The following TF variants were observed in gnomAD, a reference collection of about 807,000 sequenced individuals.
TF encodes serotransferrin.
TF carries 55 observed loss-of-function variants against 82.4 expected under a neutral mutation model. The observed-to-expected ratio is 0.67, with a 90% CI of 0.54 to 0.84. TF has a LOEUF of 0.84. TF is among the 40% of genes least tolerant of loss of function. The pLI, the probability that TF is intolerant of heterozygous loss-of-function variation, is 0.00. For missense variants in TF, 737 were observed against 868.4 expected, an observed-to-expected ratio of 0.85 and a Z score of 1.90; for synonymous variants, 332 against 332.6, an observed-to-expected ratio of 1.00 and a Z score of 0.02.
intron 8 of TF, 50 bp downstream of exon 8, chr3:133,757,996 T>A: frequency 6.3e-7 from 1 of 1,592,084 alleles, no homozygotes; most frequent in Non-Finnish European, 8.6e-7. Flanking sequence ...GGAAACCTGG[T>A]GAGCACAGGG....
chr3:133,759,194 T>A lies in TF; in HGVS notation c.1068T>A (p.Asp356Glu), dbSNP rs1301549727. ...CCATAGGCCCAGAAGCCCCAACAGA[T>A]GAATGCAAGCCTGTGAAGTGGTGTG... is the stretch of plus-strand genomic sequence containing the variant. ...REGTCPEAPT[D>E]ECKPVKWCAL... The change falls in exon 9 of 17, where the codon GAT becomes GAA. Residue 356 changes from aspartate (D) to glutamate (E), a missense_variant. Coordinates refer to ENST00000402696, the MANE Select transcript of TF (RefSeq NM_001063.4). The A allele has an allele frequency of 4.3e-5, 70 of 1,613,820 alleles. No homozygotes were observed. Among genetic ancestry groups the A allele is most frequent in the Non-Finnish European group, 5.9e-5 (70 of 1,179,964 alleles).
the TF span, among the ~76,000 whole-genome samples, chr3:133,729,002 C>T: frequency 5.9e-5 from 9 of 152,152 alleles, no homozygotes; most frequent in South Asian, 4.1e-4. Context: ...GCTGTCTGAT[C>T]GTTCCTCTGG....
rs201739807 is a variant in TF, at chr3:133,768,125, A to G, written c.1583A>G (p.Asn528Ser). 1.0e-4 allele frequency: 161 copies of G among 1,614,074 alleles called. No homozygotes were observed. Among genetic ancestry groups the G allele is most frequent in the Non-Finnish European group, 1.3e-4 (154 of 1,180,028 alleles). ...TCAGGCCTAAACCTGTGTGAACCCA[A>G]CAACAAAGAGGGATACTACGGCTAC... ...MGSGLNLCEP[N>S]NKEGYYGYTG... The change falls in exon 13 of 17, where the codon AAC (asparagine) becomes AGC (serine). Residue 528 changes from asparagine to serine, a missense_variant. Asn to Ser is a conservative substitution (Grantham distance 46, BLOSUM62 1). Coordinates refer to ENST00000402696, the MANE Select transcript of TF (RefSeq NM_001063.4).
At chr3:133,725,390 T>C in the TF span, among the ~76,000 whole-genome samples, 1 of 152,228 alleles carries the variant, frequency 6.6e-6, no homozygotes, top group Non-Finnish European at 1.5e-5. Flanking sequence ...TAAGTTGGAT[T>C]CCTAGGTATT....
At chr3:133,679,137 T>C in the TF span, among the ~76,000 whole-genome samples, 1 of 152,052 alleles carries the variant, frequency 6.6e-6, no homozygotes, top group Admixed American at 6.6e-5. Context: ...TCCCAAAGTG[T>C]TGGGATTACA....
the TF span, among the ~76,000 whole-genome samples, chr3:133,691,210 A>T: frequency 6.6e-6 from 1 of 152,190 alleles, no homozygotes; most frequent in Non-Finnish European, 1.5e-5. Context: ...GAGGCTGTGA[A>T]GTTGCTTGCT....
At chr3:133,680,276 G>T in the TF span, among the ~76,000 whole-genome samples, 1 of 151,558 alleles carries the variant, frequency 6.6e-6, no homozygotes. Context: ...CACAATCATG[G>T]CTCACTGCAG....
chr3:133,712,071 A>G, the TF span, among the ~76,000 whole-genome samples: 1 of 152,026 alleles, frequency 6.6e-6, no homozygotes, highest in Admixed American at 6.5e-5. Context: ...GGGCTCTTTT[A>G]TTGTAGCTTC....
chr3:133,709,671 G>A, the TF span: 2 of 155,262 alleles, frequency 1.3e-5, no homozygotes, highest in Non-Finnish European at 2.9e-5. Flanking sequence ...TAAATGTGGT[G>A]AGTATGTTCT....
At chr3:133,747,211 T>C (rs1933526589) in intron 1 of TF, 2 of 153,734 alleles carry the variant, frequency 1.3e-5, no homozygotes, top group African/African-American at 4.8e-5. Context: ...CCCCATAAGC[T>C]AGCAATTCCT....
Position 133,755,450 on chromosome 3 carries a change from G to T in TF, c.590G>T (p.Gly197Val). Residue 197 changes from glycine to valine, a missense_variant, in exon 5 of 17, where the codon GGC (glycine) becomes GTC (valine). Physicochemically the swap from Gly to Val is moderately radical, Grantham distance 109. Transcript: ENST00000402696. The part of the protein sequence containing the change: ...PQLCQLCPGC[G>V]CSTLNQYFGY... ...CTGTGTCAACTGTGTCCAGGGTGTG[G>T]CTGCTCCACCCTTAACCAATACTTC... 4 of 1,614,132 alleles carry T rather than the reference G, an allele frequency of 2.5e-6. No homozygotes were observed. Among genetic ancestry groups the T allele is most frequent in the Non-Finnish European group, 3.4e-6 (4 of 1,179,970 alleles).
the TF span, among the ~76,000 whole-genome samples, chr3:133,733,783 G>T: frequency 2.0e-5 from 3 of 151,992 alleles, no homozygotes; most frequent in Non-Finnish European, 4.4e-5. Context: ...CTGTAGAGGA[G>T]ATGATTAAAA....
chr3:133,743,188 G>A (rs1374019914), upstream of TF, among the ~76,000 whole-genome samples: 1 of 152,224 alleles, frequency 6.6e-6, no homozygotes, highest in Non-Finnish European at 1.5e-5. Context: ...TGTGATAAAT[G>A]GAGGTACTGA....
chr3:133,706,244 CGA>C, the TF span, among the ~76,000 whole-genome samples: 1 of 152,158 alleles, frequency 6.6e-6, no homozygotes, highest in African/African-American at 2.4e-5. Flanking sequence ...AGAGACCTCA[CGA>C]GAGAAGGAGA....
At chr3:133,682,020 G>A in the TF span, among the ~76,000 whole-genome samples, 2 of 152,198 alleles carry the variant, frequency 1.3e-5, no homozygotes, top group Non-Finnish European at 2.9e-5. Flanking sequence ...GGAATGATCA[G>A]GCAGCAACAT....
chr3:133,705,735 A>G, the TF span, among the ~76,000 whole-genome samples: 1 of 152,138 alleles, frequency 6.6e-6, no homozygotes, highest in Admixed American at 6.5e-5. Flanking sequence ...TTTTCTTTTT[A>G]GAGCAGTTTA....
chr3:133,680,568 G>A, the TF span, among the ~76,000 whole-genome samples: 1 of 148,730 alleles, frequency 6.7e-6, no homozygotes, highest in Non-Finnish European at 1.5e-5. Context: ...AGTGGTGACT[G>A]AAAATGCTGA....
chr3:133,666,216 A>G, the TF span, among the ~76,000 whole-genome samples: 1 of 152,120 alleles, frequency 6.6e-6, no homozygotes, highest in Non-Finnish European at 1.5e-5. Flanking sequence ...TCTGTCGCCC[A>G]GGTTAGAGTG....
chr3:133,742,698 G>A (rs1933415858), upstream of TF, among the ~76,000 whole-genome samples: 2 of 152,140 alleles, frequency 1.3e-5, no homozygotes, highest in African/African-American at 4.8e-5. Flanking sequence ...GAGGACACTG[G>A]GTGGGGGACA....
Sources: allele counts gnomAD v4.1 joint callset (sites outside exome capture counted in the v4.1 genomes callset), GRCh38; gene constraint gnomAD v4.1.1; transcripts MANE v1.5; gene names NCBI Gene and HGNC (gene_info 2026-07-23, HGNC 2026-07-21).